PPP1CB: variants seen among roughly 807,000 people sequenced by gnomAD.
PPP1CB encodes protein phosphatase 1 catalytic subunit beta.
Under a neutral mutation model 43.7 loss-of-function variants are expected in PPP1CB, and 2 were observed. The ratio of observed to expected loss-of-function variants is 0.05; its 90% confidence interval spans 0.02 to 0.14. The LOEUF (loss-of-function observed/expected upper bound fraction) is 0.14, where lower values mean the gene tolerates loss of function less well. Ranked by LOEUF, PPP1CB falls within the 10% of genes least tolerant of loss-of-function variation. The pLI, the probability that PPP1CB is intolerant of heterozygous loss-of-function variation, is 1.00. For missense variants in PPP1CB, 84 were observed against 398.0 expected (o/e 0.21, Z 6.71); for synonymous variants, 136 against 135.6 (o/e 1.00, Z -0.02).
At chr2:28,780,968 T>C (rs1438186132) in intron 3 of PPP1CB, among the ~76,000 whole-genome samples, 2 of 152,228 alleles carry the variant, frequency 1.3e-5, no homozygotes, top group South Asian at 2.1e-4. Flanking sequence ...AAGTTTATAC[T>C]GTGTTAATCA....
intron 1 of PPP1CB, among the ~76,000 whole-genome samples, chr2:28,772,136 G>A (rs1666928033): frequency 6.6e-6 from 1 of 152,042 alleles, no homozygotes; most frequent in South Asian, 2.1e-4. Context: ...GAGCAACATG[G>A]TGAAACCCTG....
intron 1 of PPP1CB, among the ~76,000 whole-genome samples, chr2:28,775,961 A>T (rs1023692805): frequency 1.3e-5 from 2 of 152,150 alleles, no homozygotes; most frequent in Non-Finnish European, 2.9e-5. Flanking sequence ...TTGGGAATGT[A>T]ACGATAAGTT....
intron 1 of PPP1CB, among the ~76,000 whole-genome samples, chr2:28,755,280 TC>T (rs1342530427): frequency 6.6e-6 from 1 of 152,166 alleles, no homozygotes. Flanking sequence ...CCTCAAGTGA[TC>T]CACCCGCCTC....
intron 7 of PPP1CB, among the ~76,000 whole-genome samples, chr2:28,796,337 G>C (rs1180893143): frequency 6.6e-6 from 1 of 152,132 alleles, no homozygotes; most frequent in Non-Finnish European, 1.5e-5. Flanking sequence ...AAATGACATT[G>C]GTAGTTTGAT....
intron 1 of PPP1CB, among the ~76,000 whole-genome samples, chr2:28,766,488 A>G (rs1312102973): frequency 6.6e-6 from 1 of 152,204 alleles, no homozygotes; most frequent in East Asian, 1.9e-4. Flanking sequence ...TACCATCATC[A>G]GTTGTGACAT....
At chr2:28,778,241 T>C (rs745432106) in intron 2 of PPP1CB, 33 of 391,880 alleles carry the variant, frequency 8.4e-5, no homozygotes, top group Admixed American at 5.3e-4. Flanking sequence ...TAAGTTAAAC[T>C]ACCAGATAAT....
At chr2:28,764,195 TCA>T (rs1304683448) in intron 1 of PPP1CB, among the ~76,000 whole-genome samples, 6 of 151,462 alleles carry the variant, frequency 4.0e-5, no homozygotes, top group African/African-American at 1.2e-4. Context: ...ACGTGGTGGC[TCA>T]CGCCTGTAAT....
chr2:28,751,777 G>A (rs765175234), upstream of PPP1CB: 4 of 381,258 alleles, frequency 1.0e-5, no homozygotes, highest in Admixed American at 1.7e-4. Context: ...CGCAAGGGAC[G>A]TGCGGAGTGA....
At chr2:28,775,584 C>A (rs770391859) in intron 1 of PPP1CB, among the ~76,000 whole-genome samples, 1 of 152,078 alleles carries the variant, frequency 6.6e-6, no homozygotes, top group African/African-American at 2.4e-5. Context: ...GCTTTGCTGC[C>A]CAGGCTGGTC....
At chr2:28,779,991 A>T (rs2148050675) in intron 3 of PPP1CB, among the ~76,000 whole-genome samples, 1 of 151,974 alleles carries the variant, frequency 6.6e-6, no homozygotes, top group Middle Eastern at 3.4e-3. Context: ...CCTAGCTGGG[A>T]CTGTATGTCC....
intron 1 of PPP1CB, among the ~76,000 whole-genome samples, chr2:28,772,125 T>A (rs1290150666): frequency 6.6e-6 from 1 of 152,106 alleles, no homozygotes; most frequent in African/African-American, 2.4e-5. Context: ...GAGATGAGCC[T>A]GAGCAACATG....
At chr2:28,767,005 A>G (rs1019872459) in intron 1 of PPP1CB, among the ~76,000 whole-genome samples, 1 of 151,218 alleles carries the variant, frequency 6.6e-6, no homozygotes, top group Non-Finnish European at 1.5e-5. Context: ...CGCGTGAACC[A>G]GGGAGGCAGA....
chr2:28,778,207 C>T, intron 2 of PPP1CB: 3 of 357,066 alleles, frequency 8.4e-6, no homozygotes, highest in South Asian at 2.2e-5. Flanking sequence ...TATTTGTCTC[C>T]ATATTTGGTG....
At chr2:28,755,851 C>G (rs1292914998) in intron 1 of PPP1CB, among the ~76,000 whole-genome samples, 3 of 152,056 alleles carry the variant, frequency 2.0e-5, no homozygotes, top group Non-Finnish European at 4.4e-5. Flanking sequence ...CTGGGATGTG[C>G]CAGTTGATAT....
chr2:28,779,974 T>C (rs563019788), intron 3 of PPP1CB, among the ~76,000 whole-genome samples: 1 of 152,214 alleles, frequency 6.6e-6, no homozygotes, highest in African/African-American at 2.4e-5. Context: ...AAATAGCAGG[T>C]CATCAGCCTA....
intron 3 of PPP1CB, among the ~76,000 whole-genome samples, chr2:28,780,815 G>A (rs956216865): frequency 8.5e-5 from 13 of 152,232 alleles, no homozygotes; most frequent in Non-Finnish European, 1.8e-4. Context: ...TACACTTGAG[G>A]TTGTCTTTGT....
chr2:28,785,331 C>T, intron 5 of PPP1CB, among the ~76,000 whole-genome samples: 1 of 151,876 alleles, frequency 6.6e-6, no homozygotes, highest in Non-Finnish European at 1.5e-5. Flanking sequence ...ACCTTGGCCT[C>T]CCAAAGTGCT....
intron 1 of PPP1CB, among the ~76,000 whole-genome samples, chr2:28,763,543 T>C (rs1325522157): frequency 6.6e-6 from 1 of 152,206 alleles, no homozygotes; most frequent in Non-Finnish European, 1.5e-5. Context: ...TACTTGCTAT[T>C]TGTTTACCAA....
intron 5 of PPP1CB, among the ~76,000 whole-genome samples, chr2:28,785,775 T>TA (rs1255023139): frequency 1.3e-5 from 2 of 152,094 alleles, no homozygotes; most frequent in Non-Finnish European, 2.9e-5. Context: ...TGCTCCTGCA[T>TA]TCTAGCCTGG....
Sources: gnomAD v4.1 joint callset for allele counts (sites outside exome capture counted in the v4.1 genomes callset) on GRCh38, gnomAD v4.1.1 for gene constraint, MANE v1.5 for transcripts, NCBI Gene and HGNC (gene_info 2026-07-23, HGNC 2026-07-21) for gene names.